RRP15: variants seen among roughly 807,000 people sequenced by gnomAD.
The protein encoded by RRP15 is RRP15-like protein.
A neutral mutation model predicts 27.1 loss-of-function variants in RRP15; 18 were observed. The observed-to-expected ratio is 0.66, with a 90% CI of 0.46 to 0.98. The LOEUF is 0.98. Ranked by LOEUF, RRP15 falls within the 50% of genes least tolerant of loss-of-function variation. RRP15 has a pLI of 0.00. For synonymous variants in RRP15, 107 were observed against 109.4 expected (o/e 0.98, Z 0.14); for missense variants, 359 against 337.8 (o/e 1.06, Z -0.49).
chr1:218,310,263 A>T (rs1034065378), intron 4 of RRP15, among the ~76,000 whole-genome samples: 2 of 152,202 alleles, frequency 1.3e-5, no homozygotes, highest in Admixed American at 6.5e-5. Context: ...CTGTAATGAT[A>T]TTCAGAGCAC....
chr1:218,295,917 T>G (rs7525838), intron 1 of RRP15, among the ~76,000 whole-genome samples: 1,804 of 152,320 alleles, frequency 0.012, 36 homozygotes, highest in African/African-American at 0.041. Flanking sequence ...GGTAACTTTT[T>G]TTTTTTGAAG....
At chr1:218,292,306 A>G (rs933469216) in intron 1 of RRP15, among the ~76,000 whole-genome samples, 1 of 152,194 alleles carries the variant, frequency 6.6e-6, no homozygotes, top group Non-Finnish European at 1.5e-5. Flanking sequence ...AAGCTTATTC[A>G]ACACATATTT....
intron 3 of RRP15, among the ~76,000 whole-genome samples, chr1:218,306,060 T>C (rs1386900146): frequency 1.3e-5 from 2 of 152,082 alleles, no homozygotes; most frequent in African/African-American, 4.8e-5. Flanking sequence ...TACATGAGAG[T>C]GAGTGCCTCC....
intron 1 of RRP15, among the ~76,000 whole-genome samples, chr1:218,287,881 T>G (rs1655574882): frequency 6.6e-6 from 1 of 152,256 alleles, no homozygotes; most frequent in Non-Finnish European, 1.5e-5. Flanking sequence ...GGTGGCATTC[T>G]ATCTAGGCTT....
At chr1:218,320,047 C>CTTTTTTTTTTT (rs140693389) in intron 4 of RRP15, among the ~76,000 whole-genome samples, 1 of 139,290 alleles carries the variant, frequency 7.2e-6, no homozygotes, top group Non-Finnish European at 1.6e-5. Context: ...TGTTTTATTT[C>CTTTTTTTTTTT]TTTTTTTTTC....
intron 4 of RRP15, among the ~76,000 whole-genome samples, chr1:218,323,603 C>T (rs991960048): frequency 4.6e-5 from 7 of 152,178 alleles, no homozygotes; most frequent in Non-Finnish European, 7.4e-5. Flanking sequence ...TCACCGGGGA[C>T]CCTCCCCCTT....
intron 4 of RRP15, among the ~76,000 whole-genome samples, chr1:218,317,206 C>T (rs1246425673): frequency 4.6e-5 from 7 of 152,202 alleles, no homozygotes; most frequent in African/African-American, 1.7e-4. Context: ...CACAATGACT[C>T]GGCATCAGCA....
chr1:218,306,122 A>T (rs1320264354), intron 3 of RRP15, among the ~76,000 whole-genome samples: 1 of 152,110 alleles, frequency 6.6e-6, no homozygotes. Flanking sequence ...TCCTGTCACT[A>T]CTGTGAAGGG....
At chr1:218,290,450 T>C (rs770485826) in intron 1 of RRP15, among the ~76,000 whole-genome samples, 6 of 151,504 alleles carry the variant, frequency 4.0e-5, no homozygotes, top group Admixed American at 6.6e-5. Context: ...TTTGGGTTTT[T>C]TGTTTGTTTG....
At chr1:218,328,448 G>A (rs1571810410) in intron 4 of RRP15, among the ~76,000 whole-genome samples, 1 of 152,210 alleles carries the variant, frequency 6.6e-6, no homozygotes, top group Non-Finnish European at 1.5e-5. Flanking sequence ...AGATCATGAA[G>A]TCAGGAGATT....
intron 1 of RRP15, among the ~76,000 whole-genome samples, chr1:218,288,486 A>G (rs1655585184): frequency 6.6e-6 from 1 of 152,184 alleles, no homozygotes; most frequent in African/African-American, 2.4e-5. Context: ...ACTCTATGAG[A>G]TAGATGCTGC....
chr1:218,320,074 T>A (rs1173343678), intron 4 of RRP15, among the ~76,000 whole-genome samples: 1 of 151,530 alleles, frequency 6.6e-6, no homozygotes, highest in African/African-American at 2.4e-5. Context: ...TTTATTATTA[T>A]TATACTTTAA....
Position 218,302,573 on chromosome 1 carries a change from G to A in RRP15, c.405+14G>A. Reference sequence around the variant, plus strand: ...AAAATAAAACAGGTATGTTCCACCAGTTCTCTTGTAGATTAGATTGTTTGT... The same window carrying A: ...AAAATAAAACAGGTATGTTCCACCAATTCTCTTGTAGATTAGATTGTTTGT... On this transcript the variant is annotated intron_variant, in intron 2 of 4. Coordinates refer to ENST00000366932, the MANE Select transcript of RRP15 (RefSeq NM_016052.4). The A allele has an allele frequency of 6.2e-7, 1 of 1,607,442 alleles. No individual in the cohort carries two copies. The highest frequency in any genetic ancestry group is 1.7e-5 in the Admixed American group (1 of 58,886).
intron 4 of RRP15, 50 bp downstream of exon 4, chr1:218,307,682 C>T: frequency 7.9e-7 from 1 of 1,268,580 alleles, no homozygotes; most frequent in Non-Finnish European, 1.1e-6. Context: ...AGCTCTAAAA[C>T]TAGTCTTGAG....
At chr1:218,317,196 C>A (rs1373412229) in intron 4 of RRP15, among the ~76,000 whole-genome samples, 1 of 152,226 alleles carries the variant, frequency 6.6e-6, no homozygotes, top group Non-Finnish European at 1.5e-5. Context: ...TTACGTGATA[C>A]ACAATGACTC....
intron 4 of RRP15, among the ~76,000 whole-genome samples, chr1:218,312,564 T>G (rs2102505786): frequency 6.6e-6 from 1 of 152,258 alleles, no homozygotes; most frequent in East Asian, 1.9e-4. Flanking sequence ...GAGATTTGGT[T>G]CTATGGAATG....
intron 1 of RRP15, among the ~76,000 whole-genome samples, chr1:218,292,085 C>T (rs748402227): frequency 2.0e-5 from 3 of 152,194 alleles, no homozygotes; most frequent in Non-Finnish European, 2.9e-5. Context: ...ATCCTCCTGC[C>T]TCGGCCTCCC....
intron 1 of RRP15, among the ~76,000 whole-genome samples, chr1:218,289,499 G>A (rs769045376): frequency 6.6e-6 from 1 of 152,080 alleles, no homozygotes; most frequent in Non-Finnish European, 1.5e-5. Flanking sequence ...TGTCTGCTTG[G>A]TTATGCCATA....
chr1:218,315,201 G>A (rs1656069387), intron 4 of RRP15, among the ~76,000 whole-genome samples: 1 of 152,042 alleles, frequency 6.6e-6, no homozygotes, highest in African/African-American at 2.4e-5. Flanking sequence ...TGGCAACCTT[G>A]TAATTTCTTC....
Sources: gnomAD v4.1 joint callset for allele counts (sites outside exome capture counted in the v4.1 genomes callset) on GRCh38, gnomAD v4.1.1 for gene constraint, MANE v1.5 for transcripts, NCBI Gene and HGNC (gene_info 2026-07-23, HGNC 2026-07-21) for gene names.